SLC24A2: variants seen among roughly 807,000 people sequenced by gnomAD.
SLC24A2 encodes solute carrier family 24 member 2.
Under a neutral mutation model 62.0 loss-of-function variants are expected in SLC24A2, and 36 were observed. The observed-to-expected ratio is 0.58, with a 90% CI of 0.44 to 0.77. The LOEUF (loss-of-function observed/expected upper bound fraction) is 0.77. Among genes scored for constraint, SLC24A2 ranks in the 30% least tolerant of loss-of-function variants. The pLI is 0.00. For missense variants in SLC24A2, 846 were observed against 817.9 expected (o/e 1.03, Z -0.42); for synonymous variants, 358 against 294.0 (o/e 1.22, Z -2.23).
chr9:20,164,747 A>G, the SLC24A2 span, among the ~76,000 whole-genome samples: 2 of 151,860 alleles, frequency 1.3e-5, no homozygotes. Context: ...ATGTCCAACA[A>G]TGATAGACTG....
chr9:19,789,052 C>A, upstream of SLC24A2: 1 of 674,698 alleles, frequency 1.5e-6, no homozygotes, highest in Non-Finnish European at 1.8e-6. Context: ...CGCTGTGAGC[C>A]CGGCGCTCCG....
At chr9:20,194,541 T>C in the SLC24A2 span, among the ~76,000 whole-genome samples, 1 of 152,108 alleles carries the variant, frequency 6.6e-6, no homozygotes, top group African/African-American at 2.4e-5. Context: ...TTTAACAGAG[T>C]TTATTGAAGG....
At chr9:19,812,487 T>A in the SLC24A2 span, among the ~76,000 whole-genome samples, 1 of 152,336 alleles carries the variant, frequency 6.6e-6, no homozygotes, top group Non-Finnish European at 1.5e-5. Context: ...TCAGGTATTA[T>A]GTTTTTTAGT....
At chr9:20,223,635 C>G in the SLC24A2 span, among the ~76,000 whole-genome samples, 20,226 of 152,068 alleles carry the variant, frequency 0.13, 1,670 homozygotes, top group African/African-American at 0.23. Flanking sequence ...TAGACAAATA[C>G]ATCAATGGAC....
the SLC24A2 span, among the ~76,000 whole-genome samples, chr9:20,266,905 C>G: frequency 6.6e-6 from 1 of 151,944 alleles, no homozygotes; most frequent in Non-Finnish European, 1.5e-5. Flanking sequence ...GAATGAGACC[C>G]CATCTCCACA....
the SLC24A2 span, among the ~76,000 whole-genome samples, chr9:20,073,876 G>GTATATATA: frequency 1.0e-4 from 12 of 116,850 alleles, no homozygotes; most frequent in East Asian, 1.1e-3. Context: ...ATATGTGCGT[G>GTATATATA]TATATATATA....
chr9:19,600,776 A>G (rs1411323018), intron 4 of SLC24A2, among the ~76,000 whole-genome samples: 1 of 152,118 alleles, frequency 6.6e-6, no homozygotes, highest in African/African-American at 2.4e-5. Context: ...GCTCTGGATG[A>G]TCAAGCAAGA....
chr9:19,615,994 GCA>G (rs3220155), intron 4 of SLC24A2, among the ~76,000 whole-genome samples: 16,343 of 140,666 alleles, frequency 0.12, 954 homozygotes, highest in East Asian at 0.15. Flanking sequence ...TCACAGGCGT[GCA>G]CACACACACA....
the SLC24A2 span, among the ~76,000 whole-genome samples, chr9:19,902,994 A>T: frequency 2.0e-5 from 3 of 152,058 alleles, no homozygotes; most frequent in Non-Finnish European, 4.4e-5. Context: ...CCTAGGAAAA[A>T]GAGTCACTGA....
At chr9:19,886,901 A>G in the SLC24A2 span, among the ~76,000 whole-genome samples, 1 of 152,100 alleles carries the variant, frequency 6.6e-6, no homozygotes, top group African/African-American at 2.4e-5. Flanking sequence ...TGTCCTTTGC[A>G]GGGACATGGA....
At chr9:19,688,120 G>C in intron 2 of SLC24A2, among the ~76,000 whole-genome samples, 1 of 152,066 alleles carries the variant, frequency 6.6e-6, no homozygotes, top group East Asian at 1.9e-4. Flanking sequence ...TCAGCTTGTA[G>C]CTTGTATAAA....
chr9:19,792,551 A>C (rs1823331241), upstream of SLC24A2, among the ~76,000 whole-genome samples: 1 of 150,794 alleles, frequency 6.6e-6, no homozygotes, highest in African/African-American at 2.4e-5. Flanking sequence ...AAAAAAAAAA[A>C]AAAAAAAAAT....
chr9:19,517,102 C>A (rs913033989), intron 10 of SLC24A2, among the ~76,000 whole-genome samples: 1 of 152,150 alleles, frequency 6.6e-6, no homozygotes, highest in African/African-American at 2.4e-5. Flanking sequence ...CTTTTAAAAT[C>A]TGAGGATCTC....
chr9:19,527,954 T>C (rs987359509), intron 9 of SLC24A2, 95 bp downstream of exon 9: 4 of 782,898 alleles, frequency 5.1e-6, no homozygotes, highest in Non-Finnish European at 8.9e-6. Context: ...CCAATACTGT[T>C]GTGGCAGTTG....
chr9:20,062,587 A>G, the SLC24A2 span, among the ~76,000 whole-genome samples: 2 of 143,438 alleles, frequency 1.4e-5, no homozygotes. Context: ...ATGGGCAAGG[A>G]CTTCTTGTCT....
At chr9:20,100,196 T>TG in the SLC24A2 span, among the ~76,000 whole-genome samples, 51 of 145,822 alleles carry the variant, frequency 3.5e-4, 1 homozygote, top group African/African-American at 9.7e-4. Flanking sequence ...GTGTGTGTGT[T>TG]TTTGTTTGTT....
intron 2 of SLC24A2, chr9:19,705,727 A>C (rs1274079971): frequency 6.2e-6 from 1 of 160,086 alleles, no homozygotes; most frequent in Non-Finnish European, 1.4e-5. Context: ...TTCAGTTTCC[A>C]TGTAGTTGAG....
the SLC24A2 span, among the ~76,000 whole-genome samples, chr9:20,231,624 G>A: frequency 6.6e-6 from 1 of 152,184 alleles, no homozygotes; most frequent in African/African-American, 2.4e-5. Flanking sequence ...TCAGCTTGAG[G>A]AGATTTTGGA....
the SLC24A2 span, among the ~76,000 whole-genome samples, chr9:20,081,823 G>C: frequency 3.3e-5 from 5 of 152,076 alleles, no homozygotes; most frequent in African/African-American, 4.8e-5. Flanking sequence ...GATGGAAAGA[G>C]AAATTTCTAT....
Sources: gnomAD v4.1 joint callset for allele counts (sites outside exome capture counted in the v4.1 genomes callset) on GRCh38, gnomAD v4.1.1 for gene constraint, MANE v1.5 for transcripts, NCBI Gene and HGNC (gene_info 2026-07-23, HGNC 2026-07-21) for gene names.